The following NTM variants were observed in gnomAD, a reference collection of about 807,000 sequenced individuals.
The protein encoded by NTM is neurotrimin.
NTM carries 13 observed loss-of-function variants against 42.1 expected under a neutral mutation model. The observed-to-expected ratio is 0.31, with a 90% CI of 0.20 to 0.49. NTM has a LOEUF of 0.49. NTM is among the 20% of genes least tolerant of loss of function. The pLI, the probability that NTM is intolerant of heterozygous loss-of-function variation, is 0.99. For synonymous variants in NTM, 187 were observed against 179.2 expected (o/e 1.04, Z -0.35); for missense variants, 373 against 452.8 (o/e 0.82, Z 1.60).
intron 1 of NTM, among the ~76,000 whole-genome samples, chr11:131,494,593 T>C (rs1023473906): frequency 6.6e-6 from 1 of 152,240 alleles, no homozygotes; most frequent in South Asian, 2.1e-4. Context: ...ACTCAGATGA[T>C]TGGTCACTCC....
intron 2 of NTM, among the ~76,000 whole-genome samples, chr11:132,030,939 A>G (rs773509090): frequency 6.6e-6 from 1 of 152,174 alleles, no homozygotes; most frequent in Non-Finnish European, 1.5e-5. Flanking sequence ...AATTGGGCTC[A>G]GGCTTCTTCC....
rs145277600 is a variant in NTM, at chr11:131,749,207, A to G, written c.83-162357A>G. Among the ~76,000 whole-genome samples, 250 of 152,324 alleles carry G rather than the reference A, an allele frequency of 1.6e-3. 1 individual carries two copies. Among genetic ancestry groups the G allele is most frequent in the Admixed American group, 2.6e-3 (40 of 15,308 alleles). On this transcript the variant is annotated intron_variant, in intron 1 of 8. Transcript: ENST00000683400. ...AAAGTGATCAGGAGTGTGGCAGTAC[A>G]GATCACAGGGACCTGGGTTTCAACC... is the stretch of plus-strand genomic sequence containing the variant.
At chr11:132,288,324 T>C (rs1486817424) in intron 4 of NTM, among the ~76,000 whole-genome samples, 1 of 152,178 alleles carries the variant, frequency 6.6e-6, no homozygotes, top group African/African-American at 2.4e-5. Context: ...TTACTTAAAC[T>C]TAAAGGGCAA....
At chr11:131,767,054 C>A in intron 1 of NTM, 1 of 503,102 alleles carries the variant, frequency 2.0e-6, no homozygotes, top group Non-Finnish European at 2.6e-6. Flanking sequence ...TTAAATATTT[C>A]AGTCATCTCT....
intron 2 of NTM, among the ~76,000 whole-genome samples, chr11:132,081,378 T>C (rs2059014229): frequency 6.6e-6 from 1 of 152,222 alleles, no homozygotes; most frequent in African/African-American, 2.4e-5. Flanking sequence ...TGATGTACAT[T>C]GACATCTTGT....
At chr11:131,501,636 A>G (rs181817920) in intron 1 of NTM, among the ~76,000 whole-genome samples, 22 of 152,332 alleles carry the variant, frequency 1.4e-4, no homozygotes, top group African/African-American at 5.1e-4. Context: ...TGCTAGTCCA[A>G]GTAAGAAACG....
At chr11:132,325,078 C>T (rs922404352) in intron 7 of NTM, among the ~76,000 whole-genome samples, 4 of 151,926 alleles carry the variant, frequency 2.6e-5, no homozygotes, top group African/African-American at 9.7e-5. Flanking sequence ...TAGAAGAAAA[C>T]CTAGGCATTA....
chr11:131,622,508 A>T (rs2062679270), intron 1 of NTM, among the ~76,000 whole-genome samples: 1 of 152,178 alleles, frequency 6.6e-6, no homozygotes, highest in African/African-American at 2.4e-5. Context: ...ATTCATTTCT[A>T]TTAATATTTC....
intron 4 of NTM, among the ~76,000 whole-genome samples, chr11:132,258,684 G>A (rs1308319951): frequency 2.6e-5 from 4 of 152,222 alleles, no homozygotes; most frequent in Non-Finnish European, 5.9e-5. Flanking sequence ...TAGGGCCACA[G>A]TGTCAAGGGA....
At chr11:131,675,315 A>G (rs1473764746) in intron 1 of NTM, among the ~76,000 whole-genome samples, 1 of 152,148 alleles carries the variant, frequency 6.6e-6, no homozygotes, top group Admixed American at 6.5e-5. Flanking sequence ...TTCCCAACAC[A>G]TTTTTAAATT....
chr11:131,558,731 A>G (rs942529171), intron 1 of NTM, among the ~76,000 whole-genome samples: 1 of 152,178 alleles, frequency 6.6e-6, no homozygotes, highest in Non-Finnish European at 1.5e-5. Flanking sequence ...ATAGCTACAC[A>G]TAAGGTTCAC....
Position 131,860,387 on chromosome 11 carries a change from C to A in NTM, c.83-51177C>A, listed in dbSNP as rs553801834. 8.1e-4 allele frequency among the ~76,000 whole-genome samples: 123 copies of A among 152,218 alleles called. 4 individuals are homozygous for A. The South Asian group carries it at 0.025, about 31-fold the overall frequency. On this transcript the variant is annotated intron_variant, in intron 1 of 8. Transcript: ENST00000683400. ...ATGTGAGACTTTCTTATGCTCTTTC[C>A]GTCCCAAGAGGGTCCCACAGAGCCC...
At chr11:131,628,009 C>T (rs2063294509) in intron 1 of NTM, among the ~76,000 whole-genome samples, 1 of 152,108 alleles carries the variant, frequency 6.6e-6, no homozygotes, top group African/African-American at 2.4e-5. Flanking sequence ...AGTGTATGCC[C>T]TAAGTCCCCT....
intron 1 of NTM, among the ~76,000 whole-genome samples, chr11:131,821,770 T>C (rs1330769193): frequency 6.6e-6 from 1 of 152,210 alleles, no homozygotes; most frequent in African/African-American, 2.4e-5. Flanking sequence ...TTTGTTTGGA[T>C]TCCAAATACT....
chr11:132,166,745 T>A (rs151039668), intron 3 of NTM, among the ~76,000 whole-genome samples: 4 of 152,364 alleles, frequency 2.6e-5, no homozygotes, highest in African/African-American at 4.8e-5. Flanking sequence ...CCTTTCACGA[T>A]GAGTGAGTCT....
intron 1 of NTM, among the ~76,000 whole-genome samples, chr11:131,422,480 T>A (rs1307342208): frequency 2.0e-5 from 3 of 152,112 alleles, no homozygotes; most frequent in Non-Finnish European, 4.4e-5. Context: ...CAGGCGCAAA[T>A]TAAGTAGAAA....
intron 1 of NTM, among the ~76,000 whole-genome samples, chr11:131,749,688 T>C (rs1194035303): frequency 6.6e-6 from 1 of 152,182 alleles, no homozygotes; most frequent in Non-Finnish European, 1.5e-5. Flanking sequence ...AACCTCTGCC[T>C]TCCAGGTTCA....
At chr11:131,679,297 AG>A (rs1275240017) in intron 1 of NTM, among the ~76,000 whole-genome samples, 1 of 152,200 alleles carries the variant, frequency 6.6e-6, no homozygotes, top group African/African-American at 2.4e-5. Flanking sequence ...ATGCATGAAA[AG>A]AAGAAAGTGC....
At chr11:132,005,887 T>C (rs1056603078) in intron 2 of NTM, among the ~76,000 whole-genome samples, 2 of 152,174 alleles carry the variant, frequency 1.3e-5, no homozygotes, top group Admixed American at 6.5e-5. Context: ...GCTTCTTTTT[T>C]GTTAGAAAAT....
Sources: allele counts gnomAD v4.1 joint callset (sites outside exome capture counted in the v4.1 genomes callset), GRCh38; gene constraint gnomAD v4.1.1; transcripts MANE v1.5; gene names NCBI Gene and HGNC (gene_info 2026-07-23, HGNC 2026-07-21).